The following RAPGEF2 variants were observed in gnomAD, a reference collection of about 807,000 sequenced individuals.
RAPGEF2 encodes the protein PDZ domain containing guanine nucleotide exchange factor (GEF) 1.
Under a neutral mutation model 186.7 loss-of-function variants are expected in RAPGEF2, and 54 were observed. That is an observed-to-expected ratio of 0.29 (90% CI 0.23 to 0.36). RAPGEF2 has a LOEUF of 0.36. Ranked by LOEUF, RAPGEF2 falls within the 10% of genes least tolerant of loss-of-function variation. RAPGEF2 has a pLI of 1.00. For synonymous variants in RAPGEF2, 712 were observed against 705.9 expected (o/e 1.01, Z -0.14); for missense variants, 1,532 against 2,045.0 (o/e 0.75, Z 4.84).
At chr4:159,158,078 G>T (rs1744318674) in intron 1 of RAPGEF2, among the ~76,000 whole-genome samples, 1 of 152,120 alleles carries the variant, frequency 6.6e-6, no homozygotes, top group Non-Finnish European at 1.5e-5. Flanking sequence ...TATAGTAGAA[G>T]TTTATAATAT....
At chr4:159,237,842 TAAAAAAAA>T (rs58593781) in intron 4 of RAPGEF2, among the ~76,000 whole-genome samples, 58 of 66,928 alleles carry the variant, frequency 8.7e-4, no homozygotes, top group East Asian at 3.5e-3. Flanking sequence ...CTACAAAAAT[TAAAAAAAA>T]AAAAAAAAAA....
At chr4:159,303,182 G>T (rs1464676774) in intron 7 of RAPGEF2, among the ~76,000 whole-genome samples, 1 of 152,124 alleles carries the variant, frequency 6.6e-6, no homozygotes, top group Admixed American at 6.6e-5. Context: ...GAGCTCCGAA[G>T]TATCAAAATC....
intron 6 of RAPGEF2, among the ~76,000 whole-genome samples, chr4:159,242,949 TATAGTC>T (rs1288313878): frequency 6.6e-6 from 1 of 152,010 alleles, no homozygotes; most frequent in African/African-American, 2.4e-5. Flanking sequence ...TGTTTGTTCT[TATAGTC>T]ATATTTGTCA....
chr4:159,316,521 A>G (rs760755667), intron 9 of RAPGEF2, among the ~76,000 whole-genome samples: 3 of 152,034 alleles, frequency 2.0e-5, no homozygotes, highest in Admixed American at 2.0e-4. Context: ...CTGTGTGTTC[A>G]TGTGTTCTCA....
chr4:159,304,610 T>G, intron 8 of RAPGEF2, 137 bp downstream of exon 8: 1 of 764,398 alleles, frequency 1.3e-6, no homozygotes, highest in South Asian at 2.6e-5. Context: ...ATATTAATGT[T>G]TATTTCGTAT....
chr4:159,346,526 A>G (rs370516589), intron 24 of RAPGEF2, among the ~76,000 whole-genome samples: 1 of 152,130 alleles, frequency 6.6e-6, no homozygotes, highest in African/African-American at 2.4e-5. Flanking sequence ...TATATTTTTA[A>G]TGGGGTGTTT....
chr4:159,208,781 C>A (rs1750211951), intron 3 of RAPGEF2, among the ~76,000 whole-genome samples: 1 of 152,032 alleles, frequency 6.6e-6, no homozygotes, highest in Admixed American at 6.6e-5. Flanking sequence ...GCACCATAAA[C>A]CAAGTCCAAG....
chr4:159,205,720 G>A (rs1315142425), intron 3 of RAPGEF2, among the ~76,000 whole-genome samples: 2 of 152,120 alleles, frequency 1.3e-5, no homozygotes, highest in Non-Finnish European at 2.9e-5. Context: ...AAACATGCTT[G>A]CTTCCCCTTC....
chr4:159,280,471 T>G (rs891541564), intron 7 of RAPGEF2, among the ~76,000 whole-genome samples: 4 of 152,020 alleles, frequency 2.6e-5, no homozygotes, highest in African/African-American at 9.7e-5. Flanking sequence ...CTGAAAAGAG[T>G]GTATGTCTGA....
At chr4:159,220,688 C>G (rs961386246) in intron 4 of RAPGEF2, among the ~76,000 whole-genome samples, 1 of 152,146 alleles carries the variant, frequency 6.6e-6, no homozygotes, top group African/African-American at 2.4e-5. Flanking sequence ...TTTGGGAAGT[C>G]TACCCTTGTA....
intron 9 of RAPGEF2, among the ~76,000 whole-genome samples, chr4:159,318,157 T>C (rs893300693): frequency 6.6e-6 from 1 of 152,200 alleles, no homozygotes; most frequent in Non-Finnish European, 1.5e-5. Flanking sequence ...TGTTTGCAGC[T>C]ATCAAAGATA....
In RAPGEF2 at chr4:159,332,588, C is replaced by T; in HGVS notation, c.2026C>T (p.Leu676Phe). The change falls in exon 17 of 30, where the codon CTT becomes TTT. Residue 676 changes from leucine to phenylalanine, a missense_variant. Around this residue, in one of 4 missense-constraint regions of RAPGEF2, gnomAD observed 810 missense variants for 1,210.5 expected, o/e 0.67. Transcript: ENST00000691494. The part of the protein sequence containing the change: ...LAVDVEQVIG[L>F]EKVNKKSKAN... ...TGTAGATGTAGAACAGGTGATAGGA[C>T]TTGAAAAAGTGAACAAAAAAAGTAA... 6.2e-7 allele frequency: 1 copy of T among 1,614,018 alleles called. No individual in the cohort carries two copies.
intron 3 of RAPGEF2, among the ~76,000 whole-genome samples, chr4:159,204,645 A>G (rs900366121): frequency 6.6e-6 from 1 of 152,134 alleles, no homozygotes; most frequent in African/African-American, 2.4e-5. Flanking sequence ...TTGATGAAAA[A>G]CAGAAACAGG....
chr4:159,162,120 C>G lies in RAPGEF2; in HGVS notation c.70-24522C>G, dbSNP rs182417405. Reference sequence around the variant, plus strand: ...GGAATCTTTGCTGGGTGTGGTAGGTCGTGCTTGTAATCCCAGCACTTTGGG... The same window carrying G: ...GGAATCTTTGCTGGGTGTGGTAGGTGGTGCTTGTAATCCCAGCACTTTGGG... On this transcript the variant is annotated intron_variant, in intron 1 of 29. Coordinates refer to ENST00000691494, the MANE Select transcript of RAPGEF2 (RefSeq NM_001394067.2). Among the ~76,000 whole-genome samples the G allele has an allele frequency of 1.8e-3, 274 of 149,364 alleles. 2 individuals carry two copies. Among genetic ancestry groups the G allele is most frequent in the African/African-American group, 6.3e-3 (256 of 40,466 alleles).
rs571515904 is a variant in RAPGEF2 at position 159,346,320 on chromosome 4, A to G, written c.3503-469A>G. Among the ~76,000 whole-genome samples, 38 of 152,226 alleles carry G rather than the reference A, an allele frequency of 2.5e-4. No homozygotes were observed. In the South Asian group the frequency reaches 7.5e-3, roughly 30 times the overall value. On this transcript the variant is annotated intron_variant, in intron 24 of 29. Coordinates refer to ENST00000691494, the MANE Select transcript of RAPGEF2 (RefSeq NM_001394067.2). ...ACTGTTTGCTTGCATAGATAATTCT[A>G]CCTCCTAGGAATATGGTAGTAAATA...
At chr4:159,283,628 G>A (rs1760034363) in intron 7 of RAPGEF2, among the ~76,000 whole-genome samples, 1 of 152,042 alleles carries the variant, frequency 6.6e-6, no homozygotes, top group Non-Finnish European at 1.5e-5. Flanking sequence ...GTTAATAATG[G>A]GCATCTGTAT....
intron 25 of RAPGEF2, among the ~76,000 whole-genome samples, chr4:159,347,816 GC>G (rs781514880): frequency 5.3e-4 from 81 of 152,238 alleles, no homozygotes; most frequent in Non-Finnish European, 9.6e-4. Flanking sequence ...TAGTAGTTTA[GC>G]CCCTTTGTGG....
intron 7 of RAPGEF2, among the ~76,000 whole-genome samples, chr4:159,253,059 T>A (rs925669265): frequency 2.6e-5 from 4 of 152,228 alleles, no homozygotes; most frequent in Non-Finnish European, 5.9e-5. Flanking sequence ...CTGTATTCAA[T>A]CTGTTGTGAT....
At chr4:159,288,610 C>G (rs1349636883) in intron 7 of RAPGEF2, among the ~76,000 whole-genome samples, 1 of 152,146 alleles carries the variant, frequency 6.6e-6, no homozygotes, top group Non-Finnish European at 1.5e-5. Flanking sequence ...AACCCAGTGA[C>G]TTCTCATTGC....
Sources: allele counts gnomAD v4.1 joint callset (sites outside exome capture counted in the v4.1 genomes callset), GRCh38; gene constraint gnomAD v4.1.1; regional missense constraint gnomAD v4.1.1; transcripts MANE v1.5; gene names NCBI Gene and HGNC (gene_info 2026-07-23, HGNC 2026-07-21).